Variants in TRPM7 observed in about 807,000 individuals in gnomAD.
The protein encoded by TRPM7 is transient receptor potential cation channel subfamily M member 7, also known as LTRPC ion channel family member 7.
In TRPM7, 134 loss-of-function variants were observed where a neutral mutation model predicts 229.7. The observed-to-expected ratio is 0.58, with a 90% CI of 0.51 to 0.67. TRPM7 has a LOEUF of 0.67. Among genes scored for constraint, TRPM7 ranks in the 30% least tolerant of loss-of-function variants. The pLI is 0.00. For missense variants in TRPM7, 1,901 were observed against 2,210.0 expected, an observed-to-expected ratio of 0.86 and a Z score of 2.80; for synonymous variants, 699 against 715.2, an observed-to-expected ratio of 0.98 and a Z score of 0.36.
At chr15:50,644,877 T>C (rs1185076471) in intron 4 of TRPM7, among the ~76,000 whole-genome samples, 2 of 144,314 alleles carry the variant, frequency 1.4e-5, no homozygotes, top group African/African-American at 5.3e-5. Context: ...AAGACTGGAG[T>C]CCCTTAAGAA....
At chr15:50,573,458 T>C (rs1421193752) in intron 36 of TRPM7, among the ~76,000 whole-genome samples, 1 of 152,246 alleles carries the variant, frequency 6.6e-6, no homozygotes. Context: ...CCAGTCAAGC[T>C]GTTCAATGTC....
At chr15:50,589,412 A>T (rs1234054660) in intron 27 of TRPM7, among the ~76,000 whole-genome samples, 180 bp downstream of exon 27, 1 of 151,062 alleles carries the variant, frequency 6.6e-6, no homozygotes, top group Non-Finnish European at 1.5e-5. Flanking sequence ...GTACCTTTTC[A>T]TGTTCCTCAA....
intron 1 of TRPM7, among the ~76,000 whole-genome samples, chr15:50,677,755 A>AC (rs2062128723): frequency 2.0e-5 from 3 of 149,326 alleles, no homozygotes; most frequent in Non-Finnish European, 3.0e-5. Context: ...AAAAAAAAAA[A>AC]AAAAACAAAA....
In TRPM7 at chr15:50,557,208, C is replaced by T. The variant is rs1463625975; in HGVS notation, c.*4470G>A. 1.3e-5 allele frequency: 2 copies of T among 152,200 alleles called. No homozygotes were observed. Among genetic ancestry groups the T allele is most frequent in the Non-Finnish European group, 2.9e-5 (2 of 68,046 alleles). 9.4% of individuals were successfully genotyped at this position (152,200 alleles called of 1,614,324 possible). A position where few individuals can be genotyped will look rare whatever the true frequency, so the allele number is the denominator to read the frequency against. ...TGAGTATTCTTGCTTTGATTGTCTA[C>T]GTAAGCATGTAAGACTACAACATTA... On this transcript the variant is annotated 3_prime_UTR_variant, in exon 39 of 39. Coordinates refer to ENST00000646667, the MANE Select transcript of TRPM7 (RefSeq NM_017672.6).
At chr15:50,582,206 G>A (rs1421461078) in intron 29 of TRPM7, among the ~76,000 whole-genome samples, 2 of 151,866 alleles carry the variant, frequency 1.3e-5, no homozygotes, top group African/African-American at 4.8e-5. Context: ...TGATCCACCC[G>A]CTTCGGCCTC....
At chr15:50,582,757 T>C (rs764771507) in intron 29 of TRPM7, among the ~76,000 whole-genome samples, 1 of 152,228 alleles carries the variant, frequency 6.6e-6, no homozygotes, top group Admixed American at 6.5e-5. Context: ...TTCTGCCTTT[T>C]CCTGAGCTTT....
intron 4 of TRPM7, among the ~76,000 whole-genome samples, chr15:50,645,598 C>T (rs1339046431): frequency 9.2e-5 from 14 of 152,128 alleles, no homozygotes; most frequent in Admixed American, 9.2e-4. Context: ...TCCCAAAGTT[C>T]TGGGATTACA....
intron 1 of TRPM7, among the ~76,000 whole-genome samples, chr15:50,684,613 C>G (rs1014399000): frequency 6.6e-6 from 1 of 151,722 alleles, no homozygotes; most frequent in Non-Finnish European, 1.5e-5. Flanking sequence ...TGCACTCAGC[C>G]TGGGCAACAG....
Position 50,671,119 on chromosome 15 carries a change from G to A in TRPM7, c.4-8073C>T, listed in dbSNP as rs149947853. ...TTTCAAAAATACATTGTTATTTAGC[G>A]TAGTCACCATGTTGTACAGAAGATT... On this transcript the variant is annotated intron_variant, in intron 1 of 38. Coordinates refer to ENST00000646667, the MANE Select transcript of TRPM7 (RefSeq NM_017672.6). Among the ~76,000 whole-genome samples the A allele has an allele frequency of 4.5e-3, 681 of 152,174 alleles. 4 individuals are homozygous for A. The highest frequency in any genetic ancestry group is 0.016 in the African/African-American group (651 of 41,512).
At chr15:50,641,219 A>AT (rs1452794382) in intron 5 of TRPM7, among the ~76,000 whole-genome samples, 1 of 150,782 alleles carries the variant, frequency 6.6e-6, no homozygotes, top group East Asian at 2.0e-4. Flanking sequence ...CAAAATGCTT[A>AT]TAACGGTCCC....
At chr15:50,674,201 C>CT (rs2062048053) in intron 1 of TRPM7, among the ~76,000 whole-genome samples, 1 of 152,204 alleles carries the variant, frequency 6.6e-6, no homozygotes, top group Non-Finnish European at 1.5e-5. Flanking sequence ...GTTGACCAGG[C>CT]TGGTCTCAAA....
chr15:50,662,653 A>C (rs925155647), intron 2 of TRPM7, among the ~76,000 whole-genome samples: 1 of 152,020 alleles, frequency 6.6e-6, no homozygotes, highest in African/African-American at 2.4e-5. Flanking sequence ...CAGTGAATCC[A>C]TTAAAAAATA....
At chr15:50,617,335 C>A (rs28575518) in intron 13 of TRPM7, among the ~76,000 whole-genome samples, 47 of 69,596 alleles carry the variant, frequency 6.8e-4, no homozygotes, top group South Asian at 1.1e-3. Flanking sequence ...GACTCCATCT[C>A]AAAAAAAAAA....
At chr15:50,677,979 C>A (rs1220633123) in intron 1 of TRPM7, among the ~76,000 whole-genome samples, 4 of 151,780 alleles carry the variant, frequency 2.6e-5, no homozygotes, top group African/African-American at 9.7e-5. Context: ...GTGGCTCATG[C>A]CTATAATCCC....
intron 13 of TRPM7, 75 bp from the exon 14 acceptor site, chr15:50,614,338 C>A (rs1309180134): frequency 2.3e-6 from 3 of 1,310,160 alleles, no homozygotes; most frequent in East Asian, 2.4e-5. Context: ...TAGGAACAGG[C>A]CTACTCTCCA....
chr15:50,679,490 T>A (rs867728757), intron 1 of TRPM7, among the ~76,000 whole-genome samples: 1 of 129,718 alleles, frequency 7.7e-6, no homozygotes, highest in Non-Finnish European at 1.6e-5. Flanking sequence ...ATATATATAT[T>A]ATATATATGT....
rs1286405872 is a variant in TRPM7, at chr15:50,628,811, A to G, written c.1205-562T>C. On this transcript the variant is annotated intron_variant, in intron 10 of 38. Coordinates refer to ENST00000646667, the MANE Select transcript of TRPM7 (RefSeq NM_017672.6). Reference sequence around the variant, plus strand: ...AAGAAAACAAAGATGAACTGTTTCTATCACAGAGATAGCGCTATTAGGATT... The same window carrying G: ...AAGAAAACAAAGATGAACTGTTTCTGTCACAGAGATAGCGCTATTAGGATT... 2.0e-5 allele frequency among the ~76,000 whole-genome samples: 3 copies of G among 152,262 alleles called. No homozygotes were observed. The East Asian group carries it at 5.8e-4, about 29-fold the overall frequency.
chr15:50,643,235 G>A, intron 5 of TRPM7, 105 bp downstream of exon 5: 1 of 896,548 alleles, frequency 1.1e-6, no homozygotes, highest in Non-Finnish European at 1.7e-6. Flanking sequence ...GTTGCAGTGA[G>A]CCGAGATTGT....
intron 1 of TRPM7, among the ~76,000 whole-genome samples, chr15:50,686,159 C>G (rs902628715): frequency 6.6e-6 from 1 of 152,206 alleles, no homozygotes; most frequent in Non-Finnish European, 1.5e-5. Context: ...CCAGGAGGAC[C>G]GTGCTCCCAG....
Sources: gnomAD v4.1 joint callset for allele counts (sites outside exome capture counted in the v4.1 genomes callset) on GRCh38, gnomAD v4.1.1 for gene constraint, MANE v1.5 for transcripts, NCBI Gene and HGNC (gene_info 2026-07-23, HGNC 2026-07-21) for gene names.